SH3RF3: variants seen among roughly 807,000 people sequenced by gnomAD.
SH3RF3 encodes SH3 domain containing ring finger 3.
SH3RF3 carries 29 observed loss-of-function variants against 66.3 expected under a neutral mutation model. That is an observed-to-expected ratio of 0.44 (90% CI 0.33 to 0.60). The LOEUF (loss-of-function observed/expected upper bound fraction) is 0.60, where lower values mean the gene tolerates loss of function less well. Ranked by LOEUF, SH3RF3 falls within the 20% of genes least tolerant of loss-of-function variation. The pLI is 0.04. For synonymous variants in SH3RF3, 583 were observed against 532.0 expected, an observed-to-expected ratio of 1.10 and a Z score of -1.32; for missense variants, 1,194 against 1,190.9, an observed-to-expected ratio of 1.00 and a Z score of -0.04.
At chr2:109,400,912 G>T (rs1044991485) in intron 4 of SH3RF3, among the ~76,000 whole-genome samples, 3 of 152,216 alleles carry the variant, frequency 2.0e-5, no homozygotes, top group African/African-American at 7.2e-5. Flanking sequence ...AAGGGGAAAA[G>T]CATAACCTTG....
chr2:109,471,879 G>C (rs1249345294), intron 8 of SH3RF3, among the ~76,000 whole-genome samples: 1 of 152,218 alleles, frequency 6.6e-6, no homozygotes, highest in Non-Finnish European at 1.5e-5. Flanking sequence ...GACACAGGGA[G>C]AGCAGATGCC....
At chr2:109,354,102 GCA>G (rs772800625) in intron 2 of SH3RF3, among the ~76,000 whole-genome samples, 1 of 152,214 alleles carries the variant, frequency 6.6e-6, no homozygotes, top group Non-Finnish European at 1.5e-5. Context: ...GCTGTCAGAG[GCA>G]CAGTTTTGGG....
intron 1 of SH3RF3, among the ~76,000 whole-genome samples, chr2:109,280,167 A>T (rs1384872563): frequency 6.6e-6 from 1 of 152,152 alleles, no homozygotes; most frequent in Non-Finnish European, 1.5e-5. Flanking sequence ...AAGAGCTGAC[A>T]TCTATAATTA....
At chr2:109,367,370 C>A (rs111603355) in intron 2 of SH3RF3, among the ~76,000 whole-genome samples, 2,768 of 152,184 alleles carry the variant, frequency 0.018, 81 homozygotes, top group African/African-American at 0.057. Flanking sequence ...CAACCTCTGC[C>A]TCCTGGGTTC....
intron 3 of SH3RF3, 118 bp downstream of exon 3, chr2:109,371,799 A>T: frequency 1.2e-6 from 1 of 836,030 alleles, no homozygotes; most frequent in Non-Finnish European, 1.9e-6. Flanking sequence ...CCTCCACAAT[A>T]GCCTCTGGCC....
At chr2:109,404,322 G>C (rs1676391583) in intron 4 of SH3RF3, among the ~76,000 whole-genome samples, 1 of 152,240 alleles carries the variant, frequency 6.6e-6, no homozygotes, top group Non-Finnish European at 1.5e-5. Flanking sequence ...CGAGGAGAGA[G>C]CTGGGAGCTG....
chr2:109,469,375 T>C (rs1678443590), intron 8 of SH3RF3, among the ~76,000 whole-genome samples: 1 of 151,974 alleles, frequency 6.6e-6, no homozygotes, highest in Non-Finnish European at 1.5e-5. Context: ...CGTGCTTTGC[T>C]TTGGGGCCAG....
intron 1 of SH3RF3, among the ~76,000 whole-genome samples, chr2:109,170,315 TCCTCTC>T (rs1677746599): frequency 7.1e-6 from 1 of 140,188 alleles, no homozygotes; most frequent in African/African-American, 2.8e-5. Context: ...TTCTCTTCTC[TCCTCTC>T]TCTCTCTCCT....
At chr2:109,391,960 G>T (rs1369378915) in intron 3 of SH3RF3, among the ~76,000 whole-genome samples, 1 of 152,092 alleles carries the variant, frequency 6.6e-6, no homozygotes, top group Non-Finnish European at 1.5e-5. Flanking sequence ...CAGGACCACA[G>T]GTGCATGCCA....
intron 3 of SH3RF3, among the ~76,000 whole-genome samples, chr2:109,388,240 C>T (rs1472283662): frequency 1.3e-5 from 2 of 152,242 alleles, no homozygotes; most frequent in South Asian, 2.1e-4. Context: ...GTCTTCCCCT[C>T]TCAGCCAAGC....
intron 8 of SH3RF3, among the ~76,000 whole-genome samples, chr2:109,464,480 A>G (rs1039405538): frequency 2.6e-5 from 4 of 152,230 alleles, no homozygotes; most frequent in Admixed American, 6.5e-5. Flanking sequence ...AAACATCTGT[A>G]CACATATACA....
chr2:109,292,372 G>A (rs1574554390), intron 1 of SH3RF3, among the ~76,000 whole-genome samples: 1 of 152,148 alleles, frequency 6.6e-6, no homozygotes, highest in East Asian at 1.9e-4. Flanking sequence ...ATATAAACAT[G>A]AAGTTTTGTA....
At chr2:109,253,822 A>G (rs1245900556) in intron 1 of SH3RF3, among the ~76,000 whole-genome samples, 1 of 152,202 alleles carries the variant, frequency 6.6e-6, no homozygotes, top group Non-Finnish European at 1.5e-5. Context: ...TATAATTTGT[A>G]ATTTAAGAAA....
intron 2 of SH3RF3, among the ~76,000 whole-genome samples, chr2:109,361,738 A>G (rs1188086679): frequency 6.6e-6 from 1 of 152,158 alleles, no homozygotes; most frequent in Non-Finnish European, 1.5e-5. Context: ...AGCCTCCCAA[A>G]GTGTTATTCA....
At chr2:109,386,652 T>A (rs1381276243) in intron 3 of SH3RF3, among the ~76,000 whole-genome samples, 1 of 152,202 alleles carries the variant, frequency 6.6e-6, no homozygotes, top group African/African-American at 2.4e-5. Context: ...TTAGAGCTTA[T>A]CCTAGGGGCA....
chr2:109,392,216 T>A (rs1187366339), intron 3 of SH3RF3, among the ~76,000 whole-genome samples: 1 of 152,104 alleles, frequency 6.6e-6, no homozygotes, highest in Non-Finnish European at 1.5e-5. Context: ...GAATATATTC[T>A]TTTTTTTACA....
chr2:109,243,626 G>A (rs567300782), intron 1 of SH3RF3, among the ~76,000 whole-genome samples: 103 of 152,270 alleles, frequency 6.8e-4, no homozygotes, highest in South Asian at 5.4e-3. Context: ...AAGAGATGGT[G>A]TCTAAACTGA....
intron 7 of SH3RF3, among the ~76,000 whole-genome samples, chr2:109,446,493 G>A (rs1677709254): frequency 6.6e-6 from 1 of 152,202 alleles, no homozygotes; most frequent in South Asian, 2.1e-4. Context: ...AGGAAAGCTG[G>A]AGCTAGAGCA....
chr2:109,377,204 T>A (rs956390282), intron 3 of SH3RF3, among the ~76,000 whole-genome samples: 1 of 152,166 alleles, frequency 6.6e-6, no homozygotes, highest in African/African-American at 2.4e-5. Flanking sequence ...GGGTGCACAC[T>A]CCTCTCCACT....
Sources: gnomAD v4.1 joint callset for allele counts (sites outside exome capture counted in the v4.1 genomes callset) on GRCh38, gnomAD v4.1.1 for gene constraint, MANE v1.5 for transcripts, NCBI Gene and HGNC (gene_info 2026-07-23, HGNC 2026-07-21) for gene names.